The following TBCK variants were observed in gnomAD, a reference collection of about 807,000 sequenced individuals.
TBCK encodes the protein TBC1 domain containing kinase, also known as TBC domain-containing protein kinase-like protein.
A neutral mutation model predicts 113.4 loss-of-function variants in TBCK; 99 were observed. The observed-to-expected ratio is 0.87, with a 90% CI of 0.74 to 1.03. TBCK has a LOEUF of 1.03. Among genes scored for constraint, TBCK ranks in the 50% least tolerant of loss-of-function variants. The pLI is 0.00. For synonymous variants in TBCK, 369 were observed against 370.8 expected, an observed-to-expected ratio of 1.00 and a Z score of 0.05; for missense variants, 1,045 against 1,061.3, an observed-to-expected ratio of 0.98 and a Z score of 0.21.
At chr4:106,251,362 C>G (rs1579399258) in intron 6 of TBCK, among the ~76,000 whole-genome samples, 1 of 151,324 alleles carries the variant, frequency 6.6e-6, no homozygotes, top group South Asian at 2.1e-4. Flanking sequence ...CTTAAGATTA[C>G]CTGGTGTTTA....
rs565524234 is a variant in TBCK, at chr4:106,138,788, T to C, written c.2236-22410A>G. On this transcript the variant is annotated intron_variant, in intron 23 of 25. Coordinates refer to ENST00000394708, the MANE Select transcript of TBCK (RefSeq NM_001163435.3). ...CAGGTGAACAATATGAAAAAGTTAA[T>C]GAGAGCAGCCCTACTTAGCTGGATA... 2.8e-5 allele frequency among the ~76,000 whole-genome samples: 4 copies of C among 141,292 alleles called. 1 individual carries two copies. In the South Asian group the frequency reaches 9.7e-4, roughly 34 times the overall value. 92.7% of individuals were successfully genotyped at this position (141,292 alleles called of 152,430 possible). A position where few individuals can be genotyped will look rare whatever the true frequency, so the allele number is the denominator to read the frequency against.
chr4:106,081,362 C>T (rs1413217576), intron 25 of TBCK, among the ~76,000 whole-genome samples: 1 of 152,152 alleles, frequency 6.6e-6, no homozygotes, highest in Non-Finnish European at 1.5e-5. Flanking sequence ...AGATCATGTC[C>T]TTTGCAGGGA....
chr4:106,141,797 T>C (rs1264851771), intron 23 of TBCK, among the ~76,000 whole-genome samples: 8 of 141,112 alleles, frequency 5.7e-5, no homozygotes, highest in African/African-American at 2.0e-4. Context: ...GTTAATTTTC[T>C]TCATTTAGCT....
chr4:106,100,526 G>A (rs910473799), intron 24 of TBCK, among the ~76,000 whole-genome samples: 1 of 152,004 alleles, frequency 6.6e-6, no homozygotes, highest in African/African-American at 2.4e-5. Context: ...GTTTATTTAG[G>A]GAAAAGCTAG....
intron 20 of TBCK, among the ~76,000 whole-genome samples, chr4:106,201,000 A>G (rs1448986406): frequency 6.6e-6 from 1 of 152,076 alleles, no homozygotes; most frequent in African/African-American, 2.4e-5. Flanking sequence ...TATTTAAAAA[A>G]ATTAAACTTG....
chr4:106,216,589 C>G (rs1263772885), intron 19 of TBCK, among the ~76,000 whole-genome samples: 2 of 152,164 alleles, frequency 1.3e-5, no homozygotes, highest in Non-Finnish European at 2.9e-5. Flanking sequence ...CTACAAACAC[C>G]TCTATGCAAA....
At chr4:106,179,608 T>C (rs532509167) in intron 22 of TBCK, among the ~76,000 whole-genome samples, 1 of 152,250 alleles carries the variant, frequency 6.6e-6, no homozygotes, top group African/African-American at 2.4e-5. Context: ...GATCTAAAAA[T>C]AAATTTGATA....
At position 106,212,656 on chromosome 4, in the gene TBCK, T is replaced by C. The variant is rs1432335228; in HGVS notation, c.1860+94A>G. 6 of 882,362 alleles carry C rather than the reference T, an allele frequency of 6.8e-6. No individual in the cohort carries two copies. In the African/African-American group the frequency reaches 1.0e-4, roughly 15 times the overall value. 54.7% of individuals were successfully genotyped at this position (882,362 alleles called of 1,614,324 possible). A position where few individuals can be genotyped will look rare whatever the true frequency, so the allele number is the denominator to read the frequency against. ...CAGTAACTTGTTCAGATATGCACTA[T>C]GACAACAAAAATTAAGAAAATACAC... is the stretch of plus-strand genomic sequence containing the variant. On this transcript the variant is annotated intron_variant, in intron 20 of 25. Transcript: ENST00000394708.
intron 2 of TBCK, among the ~76,000 whole-genome samples, chr4:106,305,329 T>C (rs1348505973): frequency 1.3e-5 from 2 of 152,090 alleles, no homozygotes; most frequent in East Asian, 1.9e-4. Context: ...CTTTGTTTCC[T>C]AGAAATATGT....
chr4:106,300,495 A>G (rs1024600874), intron 2 of TBCK, among the ~76,000 whole-genome samples: 4 of 152,354 alleles, frequency 2.6e-5, no homozygotes, highest in East Asian at 1.9e-4. Flanking sequence ...CACTTTTGTT[A>G]TTAACAGTAA....
chr4:106,289,787 A>C (rs889139838), intron 3 of TBCK, among the ~76,000 whole-genome samples: 11 of 151,956 alleles, frequency 7.2e-5, no homozygotes, highest in Non-Finnish European at 1.5e-4. Context: ...AAAGAAAAAA[A>C]AAAAGACGAT....
chr4:106,313,655 A>T (rs546079939), intron 1 of TBCK, among the ~76,000 whole-genome samples: 1 of 152,354 alleles, frequency 6.6e-6, no homozygotes, highest in South Asian at 2.1e-4. Flanking sequence ...TAGGAGCAAT[A>T]CAAAAGGACT....
intron 20 of TBCK, among the ~76,000 whole-genome samples, chr4:106,204,374 C>T (rs1553959706): frequency 2.0e-5 from 3 of 152,262 alleles, no homozygotes; most frequent in Middle Eastern, 6.8e-3. Flanking sequence ...CAGGCCCTGG[C>T]GGTCCTTAAG....
chr4:106,193,857 T>C (rs954556440), intron 21 of TBCK, 87 bp from the exon 22 acceptor site: 57 of 869,576 alleles, frequency 6.6e-5, no homozygotes, highest in Non-Finnish European at 8.2e-5. Context: ...TCTATAATTA[T>C]TACCTTATGG....
intron 23 of TBCK, among the ~76,000 whole-genome samples, chr4:106,145,961 C>T (rs1453160926): frequency 2.0e-5 from 3 of 152,098 alleles, no homozygotes; most frequent in African/African-American, 7.2e-5. Flanking sequence ...AAAAATGAGT[C>T]CAACCATTGT....
intron 3 of TBCK, among the ~76,000 whole-genome samples, chr4:106,278,328 C>G (rs1764221655): frequency 6.6e-6 from 1 of 151,936 alleles, no homozygotes; most frequent in African/African-American, 2.4e-5. Context: ...GAGGCCGAGG[C>G]AGGTGGATTG....
intron 12 of TBCK, among the ~76,000 whole-genome samples, chr4:106,240,810 T>C (rs78180801): frequency 0.13 from 19,733 of 151,974 alleles, 1,606 homozygotes; most frequent in South Asian, 0.24. Flanking sequence ...ATATGATGGA[T>C]TGATGAATAG....
At position 106,159,533 on chromosome 4, in the gene TBCK, A is replaced by G. The variant is rs1008383482; in HGVS notation, c.2235+11562T>C. 2.0e-5 allele frequency among the ~76,000 whole-genome samples: 3 copies of G among 152,116 alleles called. No homozygotes were observed. The East Asian group carries it at 5.8e-4, about 29-fold the overall frequency. On this transcript the variant is annotated intron_variant, in intron 23 of 25. Coordinates refer to ENST00000394708, the MANE Select transcript of TBCK (RefSeq NM_001163435.3). ...AATTAATGAAGACAATTTGATTTACAATAGCATCAAAAGGAATAAAATACT... is the reference window on the plus strand; with the variant it reads ...AATTAATGAAGACAATTTGATTTACGATAGCATCAAAAGGAATAAAATACT...
chr4:106,313,799 C>T (rs570847429), intron 1 of TBCK, among the ~76,000 whole-genome samples: 3 of 152,334 alleles, frequency 2.0e-5, no homozygotes, highest in South Asian at 4.1e-4. Context: ...AGCACATCCA[C>T]CTACCTATTC....
Sources: allele counts gnomAD v4.1 joint callset (sites outside exome capture counted in the v4.1 genomes callset), GRCh38; gene constraint gnomAD v4.1.1; transcripts MANE v1.5; gene names NCBI Gene and HGNC (gene_info 2026-07-23, HGNC 2026-07-21).